Variants in AGAP1 observed in about 807,000 individuals in gnomAD.
AGAP1 encodes arf-GAP with GTPase, ANK repeat and PH domain-containing protein 1.
Under a neutral mutation model 105.3 loss-of-function variants are expected in AGAP1, and 29 were observed. The observed-to-expected ratio is 0.28, with a 90% CI of 0.21 to 0.38. The LOEUF is 0.38. AGAP1 is among the 10% of genes least tolerant of loss of function. The probability of loss-of-function intolerance (pLI) is 1.00; values close to 1 mark genes in which losing one functional copy is unlikely to be tolerated. For synonymous variants in AGAP1, 509 were observed against 485.9 expected (o/e 1.05, Z -0.63); for missense variants, 998 against 1,165.1 (o/e 0.86, Z 2.09).
chr2:235,759,461 G>T (rs544426864), intron 6 of AGAP1, among the ~76,000 whole-genome samples: 46 of 152,194 alleles, frequency 3.0e-4, no homozygotes, highest in African/African-American at 8.0e-4. Flanking sequence ...GAGCCACCGC[G>T]CCCGGCCCTG....
chr2:235,784,083 T>A (rs990015006), intron 6 of AGAP1, among the ~76,000 whole-genome samples: 1 of 152,204 alleles, frequency 6.6e-6, no homozygotes, highest in African/African-American at 2.4e-5. Context: ...AGGTGTTCGC[T>A]TTCAAATTTT....
chr2:235,835,251 C>T (rs1039133504), intron 9 of AGAP1, among the ~76,000 whole-genome samples: 9 of 152,182 alleles, frequency 5.9e-5, no homozygotes, highest in African/African-American at 1.9e-4. Flanking sequence ...TGGCCTGCAC[C>T]AAAATGTTTA....
chr2:235,737,822 C>G lies in AGAP1; in HGVS notation c.311-3141C>G, dbSNP rs1373563834. Among the ~76,000 whole-genome samples the G allele has an allele frequency of 6.6e-6, 1 of 152,082 alleles. No individual in the cohort carries two copies. The highest frequency in any genetic ancestry group is 1.5e-5 in the Non-Finnish European group (1 of 68,002). ...CAGGCTCCACTCCTCCCTTCTTGCTCTGGAGGTGACACAGTCTAGGGATCT... is the reference window on the plus strand; with the variant it reads ...CAGGCTCCACTCCTCCCTTCTTGCTGTGGAGGTGACACAGTCTAGGGATCT... On this transcript the variant is annotated intron_variant, in intron 3 of 17. Coordinates refer to ENST00000304032, the MANE Select transcript of AGAP1 (RefSeq NM_001037131.3). The surrounding 1 kb of genome is among the most constrained non-coding windows in gnomAD (Gnocchi z 4.5).
Position 235,906,338 on chromosome 2 carries a change from C to G in AGAP1, c.1156-2400C>G, listed in dbSNP as rs2125026702. Among the ~76,000 whole-genome samples, 1 of 152,312 alleles carries G rather than the reference C, an allele frequency of 6.6e-6. No homozygotes were observed. Among genetic ancestry groups the G allele is most frequent in the South Asian group, 2.1e-4 (1 of 4,822 alleles). ...TGTAGCACAGTTTCTGATCCTTTCT[C>G]CAGTGGTCTTCAGCCCATTGTTCTT... On this transcript the variant is annotated intron_variant, in intron 10 of 17. Transcript: ENST00000304032. The surrounding 1 kb of genome is among the most constrained non-coding windows in gnomAD (Gnocchi z 5.3).
chr2:235,534,705 G>A (rs10175589), intron 1 of AGAP1, among the ~76,000 whole-genome samples: 3,611 of 152,268 alleles, frequency 0.024, 151 homozygotes, highest in African/African-American at 0.082. Flanking sequence ...CGGTGCCACC[G>A]TTTCCTCATT....
rs760984406 is a variant in AGAP1 at position 235,720,265 on chromosome 2, T to TTACCC, written c.310+2622_310+2626dup. Among the ~76,000 whole-genome samples, 9 of 152,230 alleles carry TTACCC rather than the reference T, an allele frequency of 5.9e-5. No homozygotes were observed. The highest frequency in any genetic ancestry group is 1.0e-4 in the Non-Finnish European group (7 of 68,040). ...TGTCCAGTGAGTTAGTGTTGATCAA[T>TTACCC]TACCCATGCTTTGCTTAATTGAGAA... is the stretch of plus-strand genomic sequence containing the variant. On this transcript the variant is annotated intron_variant, in intron 3 of 17. Transcript: ENST00000304032. The surrounding 1 kb of genome is among the most constrained non-coding windows in gnomAD (Gnocchi z 5.0).
chr2:236,120,423 G>T lies in AGAP1; in HGVS notation c.2346G>T (p.Val782=). 1.2e-6 allele frequency: 2 copies of T among 1,611,448 alleles called. No individual in the cohort carries two copies. Among genetic ancestry groups the T allele is most frequent in the Non-Finnish European group, 1.7e-6 (2 of 1,179,782 alleles). Reference sequence around the variant, plus strand: ...ATCTGGCCTGCCGCAAGGGGAATGTGGTCCTGGCGCAGCTCCTGATCTGGG... The same window carrying T: ...ATCTGGCCTGCCGCAAGGGGAATGTTGTCCTGGCGCAGCTCCTGATCTGGG... ...ALHLACRKGN[V]VLAQLLIWYG... The change falls in exon 17 of 18, where the codon GTG becomes GTT. Residue 782 remains valine (V), a synonymous_variant. Transcript: ENST00000304032. The surrounding 1 kb of genome is among the most constrained non-coding windows in gnomAD (Gnocchi z 6.0).
chr2:235,802,909 G>GGTTGTGGT, intron 8 of AGAP1, among the ~76,000 whole-genome samples: 1 of 130,382 alleles, frequency 7.7e-6, no homozygotes, highest in African/African-American at 2.9e-5. Context: ...GGTTGTGATG[G>GGTTGTGGT]TGTGATGGTT....
In AGAP1 at chr2:235,812,330, C is replaced by T. The variant is rs919252793; in HGVS notation, c.1050+4999C>T. On this transcript the variant is annotated intron_variant, in intron 9 of 17. Coordinates refer to ENST00000304032, the MANE Select transcript of AGAP1 (RefSeq NM_001037131.3). Reference sequence around the variant, plus strand: ...GCCGGCCTGCCCGGGGCAAGCCCGCCGCACCCGCCATCGGGCCTGTGAACT... The same window carrying T: ...GCCGGCCTGCCCGGGGCAAGCCCGCTGCACCCGCCATCGGGCCTGTGAACT... Among the ~76,000 whole-genome samples the T allele has an allele frequency of 3.9e-5, 6 of 152,316 alleles. No individual in the cohort carries two copies. In the South Asian group the frequency reaches 8.3e-4, roughly 21 times the overall value.
rs748543859 is a variant in AGAP1 at position 235,882,806 on chromosome 2, C to A, written c.1051-539C>A. On this transcript the variant is annotated intron_variant, in intron 9 of 17. Transcript: ENST00000304032. The surrounding 1 kb of genome is among the most constrained non-coding windows in gnomAD (Gnocchi z 4.6). Reference sequence around the variant, plus strand: ...ATGCAGTTTTTTTAGTTTGTTCTTTCTTTTTCTCTTTGTCTCTCCTCTCTC... The same window carrying A: ...ATGCAGTTTTTTTAGTTTGTTCTTTATTTTTCTCTTTGTCTCTCCTCTCTC... 3.3e-5 allele frequency among the ~76,000 whole-genome samples: 5 copies of A among 151,600 alleles called. No individual in the cohort carries two copies. Among genetic ancestry groups the A allele is most frequent in the Non-Finnish European group, 7.4e-5 (5 of 67,896 alleles).
rs544711123 is a variant in AGAP1 at position 236,116,781 on chromosome 2, G to A, written c.2115-3411G>A. On this transcript the variant is annotated intron_variant, in intron 16 of 17. Transcript: ENST00000304032. ...TCTTCCCCCCAAGTCCCCAAAGTCCGTTGTATCATTCTTACACCTTTTATG... is the reference window on the plus strand; with the variant it reads ...TCTTCCCCCCAAGTCCCCAAAGTCCATTGTATCATTCTTACACCTTTTATG... Among the ~76,000 whole-genome samples, 59 of 148,070 alleles carry A rather than the reference G, an allele frequency of 4.0e-4. 1 individual carries two copies. Among genetic ancestry groups the A allele is most frequent in the African/African-American group, 1.4e-3 (56 of 39,712 alleles).
At chr2:236,019,092 G>C (rs922855022) in intron 13 of AGAP1, among the ~76,000 whole-genome samples, 3 of 152,158 alleles carry the variant, frequency 2.0e-5, no homozygotes, top group African/African-American at 7.2e-5. Context: ...TCCAACACTC[G>C]TTTTCTTGGT....
At chr2:236,024,021 GTTTTTTTTTTTTGTT>G (rs1333164097) in intron 13 of AGAP1, among the ~76,000 whole-genome samples, 6 of 112,138 alleles carry the variant, frequency 5.4e-5, no homozygotes, top group East Asian at 2.5e-4. Flanking sequence ...GTGGTTGGTT[GTTTTTTTTTTTTGTT>G]TTTTTTTTTT....
intron 9 of AGAP1, among the ~76,000 whole-genome samples, chr2:235,818,567 C>G (rs958507495): frequency 6.6e-6 from 1 of 152,168 alleles, no homozygotes; most frequent in Non-Finnish European, 1.5e-5. Context: ...CTCAGCCTCC[C>G]GAGTAGCTGG....
rs1948015531 is a variant in AGAP1, at chr2:235,663,111, G to A, written c.164-46068G>A. 6.6e-6 allele frequency among the ~76,000 whole-genome samples: 1 copy of A among 152,086 alleles called. No individual in the cohort carries two copies. The highest frequency in any genetic ancestry group is 2.4e-5 in the African/African-American group (1 of 41,400). On this transcript the variant is annotated intron_variant, in intron 1 of 17. Coordinates refer to ENST00000304032, the MANE Select transcript of AGAP1 (RefSeq NM_001037131.3). This position sits in a 1 kb window ranked among gnomAD's most constrained non-coding sequence, Gnocchi z 5.4. ...AGGCCGAGGCGGGTGGATCATCTGA[G>A]GTCAGCCTGACCAACAAGGTGAAAC...
chr2:235,954,185 G>C (rs2053852312), intron 12 of AGAP1, among the ~76,000 whole-genome samples: 1 of 151,536 alleles, frequency 6.6e-6, no homozygotes, highest in South Asian at 2.1e-4. Flanking sequence ...GTTGCGGTGA[G>C]CCGAGGTCAC....
rs768657242 is a variant in AGAP1 at position 235,770,496 on chromosome 2, C to T, written c.673+20008C>T. 2.6e-5 allele frequency among the ~76,000 whole-genome samples: 4 copies of T among 152,158 alleles called. No homozygotes were observed. The East Asian group carries it at 5.8e-4, about 22-fold the overall frequency. On this transcript the variant is annotated intron_variant, in intron 6 of 17. Coordinates refer to ENST00000304032, the MANE Select transcript of AGAP1 (RefSeq NM_001037131.3). The stretch of plus-strand genomic sequence containing the variant: ...AGGCCGGAGTGCAGTGGTGCCATCT[C>T]GGCTCACTGCAACTGCCGCCTCCTA...
intron 1 of AGAP1, among the ~76,000 whole-genome samples, chr2:235,583,104 G>A (rs887464752): frequency 6.6e-6 from 1 of 152,218 alleles, no homozygotes; most frequent in Admixed American, 6.5e-5. Context: ...GAAGCCAGGG[G>A]CTCTGGGGCA....
chr2:235,743,408 C>T (rs1222466662), intron 4 of AGAP1, among the ~76,000 whole-genome samples: 1 of 152,074 alleles, frequency 6.6e-6, no homozygotes, highest in Admixed American at 6.6e-5. Flanking sequence ...TGGGAGTCTG[C>T]TCCTCCTGCT....
Sources: gnomAD v4.1 joint callset for allele counts (sites outside exome capture counted in the v4.1 genomes callset) on GRCh38, gnomAD v4.1.1 for gene constraint, Gnocchi (gnomAD v3.1) non-coding constraint, MANE v1.5 for transcripts, NCBI Gene and HGNC (gene_info 2026-07-23, HGNC 2026-07-21) for gene names.